CLASP1: variants seen among roughly 807,000 people sequenced by gnomAD.
CLASP1 encodes CLIP-associating protein 1.
Under a neutral mutation model 192.3 loss-of-function variants are expected in CLASP1, and 38 were observed. That is an observed-to-expected ratio of 0.20 (90% CI 0.15 to 0.26). The LOEUF is 0.26. Ranked by LOEUF, CLASP1 falls within the 10% of genes least tolerant of loss-of-function variation. The pLI is 1.00. For missense variants in CLASP1, 1,433 were observed against 1,932.5 expected, an observed-to-expected ratio of 0.74 and a Z score of 4.85; for synonymous variants, 691 against 712.8, an observed-to-expected ratio of 0.97 and a Z score of 0.49.
chr2:121,448,822 G>A, intron 17 of CLASP1, 131 bp downstream of exon 17: 1 of 851,762 alleles, frequency 1.2e-6, no homozygotes. Context: ...CTTTGCACCA[G>A]GATCTACCTC....
At chr2:121,474,163 T>C (rs1402566662) in intron 8 of CLASP1, among the ~76,000 whole-genome samples, 1 of 152,134 alleles carries the variant, frequency 6.6e-6, no homozygotes, top group Non-Finnish European at 1.5e-5. Context: ...TTTTATATTC[T>C]TATGTAATAG....
intron 4 of CLASP1, among the ~76,000 whole-genome samples, chr2:121,528,161 T>G (rs1348605619): frequency 6.6e-6 from 1 of 152,260 alleles, no homozygotes; most frequent in Non-Finnish European, 1.5e-5. Context: ...GTCCTCATTT[T>G]ATGGGTGAGG....
intron 8 of CLASP1, among the ~76,000 whole-genome samples, chr2:121,475,140 G>T (rs530781919): frequency 7.9e-5 from 12 of 152,310 alleles, no homozygotes; most frequent in South Asian, 6.2e-4. Context: ...AGTGAAGGAA[G>T]TAATTCACAT....
chr2:121,549,797 A>T (rs2057845232), intron 2 of CLASP1, among the ~76,000 whole-genome samples: 1 of 150,798 alleles, frequency 6.6e-6, no homozygotes, highest in Non-Finnish European at 1.5e-5. Flanking sequence ...TGAGGTCAGG[A>T]GATCGAGACC....
chr2:121,627,786 C>A (rs2068662274), intron 1 of CLASP1, among the ~76,000 whole-genome samples: 1 of 152,192 alleles, frequency 6.6e-6, no homozygotes, highest in Non-Finnish European at 1.5e-5. Flanking sequence ...TTTAGAGATT[C>A]ATTTATTCAT....
At chr2:121,361,851 T>G (rs2066471148) in intron 37 of CLASP1, among the ~76,000 whole-genome samples, 1 of 152,226 alleles carries the variant, frequency 6.6e-6, no homozygotes, top group East Asian at 1.9e-4. Flanking sequence ...AAGCCAGATT[T>G]TGGAAACCCA....
Position 121,404,502 on chromosome 2 carries a change from T to TA in CLASP1, c.2670-69dup. ...TTATTTTTGAGACAGGGTCTCACTC[T>TA]ATTACCCAGGCTAGAGTGCAGTGGT... On this transcript the variant is annotated intron_variant, in intron 25 of 39. Transcript: ENST00000263710. The TA allele has an allele frequency of 2.2e-6, 3 of 1,376,652 alleles. No homozygotes were observed. In the Admixed American group the frequency reaches 5.9e-5, roughly 27 times the overall value. The allele number at this position is 1,376,652 out of a possible 1,614,324, so 85.3% of individuals were successfully genotyped here.
intron 2 of CLASP1, among the ~76,000 whole-genome samples, chr2:121,582,229 C>G (rs531670248): frequency 7.0e-6 from 1 of 142,802 alleles, no homozygotes; most frequent in Admixed American, 7.4e-5. Context: ...AGTGAGGGAG[C>G]AGAGGGAGGG....
chr2:121,360,410 A>G (rs2066156816), intron 37 of CLASP1, among the ~76,000 whole-genome samples: 1 of 152,192 alleles, frequency 6.6e-6, no homozygotes, highest in South Asian at 2.1e-4. Context: ...GTTTGGAGTC[A>G]TAAGAATTGA....
intron 19 of CLASP1, among the ~76,000 whole-genome samples, chr2:121,438,239 A>G (rs2082638305): frequency 6.6e-6 from 1 of 152,228 alleles, no homozygotes; most frequent in South Asian, 2.1e-4. Context: ...ACTTTAATTC[A>G]TTAGCTTGGA....
At chr2:121,387,284 T>C in intron 31 of CLASP1, 56 bp from the exon 33 acceptor site, 1 of 1,177,586 alleles carries the variant, frequency 8.5e-7, no homozygotes, top group Non-Finnish European at 1.2e-6. Flanking sequence ...GAATATATTC[T>C]ATTCTTTCCT....
At chr2:121,417,259 A>C (rs543040314) in intron 23 of CLASP1, among the ~76,000 whole-genome samples, 1 of 152,310 alleles carries the variant, frequency 6.6e-6, no homozygotes, top group Non-Finnish European at 1.5e-5. Flanking sequence ...CAGATTCCAA[A>C]GGATGCTTCC....
At chr2:121,465,283 C>G (rs1367687858) in intron 9 of CLASP1, among the ~76,000 whole-genome samples, 2 of 152,156 alleles carry the variant, frequency 1.3e-5, no homozygotes, top group African/African-American at 4.8e-5. Flanking sequence ...ATTGTCTCAG[C>G]CCAAAATCTC....
At chr2:121,530,834 C>T (rs1002584048) in intron 2 of CLASP1, 22 of 661,544 alleles carry the variant, frequency 3.3e-5, no homozygotes, top group Non-Finnish European at 5.9e-5. Context: ...CACAACCCTA[C>T]CAGGTATTGG....
At chr2:121,524,252 G>A (rs2094522346) in intron 6 of CLASP1, among the ~76,000 whole-genome samples, 1 of 152,148 alleles carries the variant, frequency 6.6e-6, no homozygotes, top group Non-Finnish European at 1.5e-5. Context: ...AACCCCCAGA[G>A]TGCGGCCTCT....
intron 39 of CLASP1, among the ~76,000 whole-genome samples, chr2:121,343,740 T>C (rs1398814090): frequency 6.6e-6 from 1 of 152,176 alleles, no homozygotes; most frequent in Non-Finnish European, 1.5e-5. Flanking sequence ...CGAAGATGGA[T>C]GGTAGTGATG....
At chr2:121,389,314 C>A (rs1197511402) in intron 30 of CLASP1, among the ~76,000 whole-genome samples, 2 of 151,970 alleles carry the variant, frequency 1.3e-5, no homozygotes, top group Non-Finnish European at 2.9e-5. Context: ...TACTAAAATA[C>A]ACTTTTCTGC....
chr2:121,384,845 C>T (rs992439054), intron 32 of CLASP1, among the ~76,000 whole-genome samples: 43 of 152,196 alleles, frequency 2.8e-4, no homozygotes, highest in Admixed American at 2.7e-3. Context: ...CATGCCACTG[C>T]ACTCCAGCCT....
chr2:121,575,917 A>G (rs1431692452), intron 2 of CLASP1, among the ~76,000 whole-genome samples: 1 of 152,234 alleles, frequency 6.6e-6, no homozygotes, highest in Non-Finnish European at 1.5e-5. Context: ...ACCCAACAAC[A>G]GAGGGTGCAG....
Sources: gnomAD v4.1 joint callset for allele counts (sites outside exome capture counted in the v4.1 genomes callset) on GRCh38, gnomAD v4.1.1 for gene constraint, MANE v1.5 for transcripts, NCBI Gene and HGNC (gene_info 2026-07-23, HGNC 2026-07-21) for gene names.